The following TCF12 variants were observed in gnomAD, a reference collection of about 807,000 sequenced individuals.
TCF12 encodes the protein transcription factor 12, also known as DNA-binding protein HTF4.
Under a neutral mutation model 86.0 loss-of-function variants are expected in TCF12, and 45 were observed. The observed-to-expected ratio is 0.52, with a 90% CI of 0.41 to 0.67. The LOEUF (loss-of-function observed/expected upper bound fraction) is 0.67. Ranked by LOEUF, TCF12 falls within the 30% of genes least tolerant of loss-of-function variation. The pLI is 0.00. For missense variants in TCF12, 881 were observed against 859.9 expected, an observed-to-expected ratio of 1.02 and a Z score of -0.31; for synonymous variants, 330 against 299.6, an observed-to-expected ratio of 1.10 and a Z score of -1.05.
chr15:57,134,979 C>T (rs919115787), intron 5 of TCF12, among the ~76,000 whole-genome samples: 4 of 151,478 alleles, frequency 2.6e-5, no homozygotes, highest in Non-Finnish European at 5.9e-5. Context: ...AACTGAAATG[C>T]TCTAAACACA....
At chr15:57,198,766 C>G (rs2057392922) in intron 8 of TCF12, among the ~76,000 whole-genome samples, 1 of 150,242 alleles carries the variant, frequency 6.7e-6, no homozygotes, top group Non-Finnish European at 1.5e-5. Flanking sequence ...CAGTACTTAA[C>G]CCATGGGCGC....
chr15:57,134,518 G>A (rs1389135200), intron 5 of TCF12: 1 of 151,934 alleles, frequency 6.6e-6, no homozygotes, highest in Non-Finnish European at 1.5e-5. Context: ...AGGCTTCTGG[G>A]AGCCCTTGAT....
chr15:57,281,005 C>T (rs929299798), intron 19 of TCF12, among the ~76,000 whole-genome samples: 92 of 151,880 alleles, frequency 6.1e-4, no homozygotes, highest in African/African-American at 2.1e-3. Flanking sequence ...TTAAAAAATC[C>T]AACAGGAATA....
intron 16 of TCF12, among the ~76,000 whole-genome samples, chr15:57,256,428 T>G (rs1422013731): frequency 6.6e-6 from 1 of 152,160 alleles, no homozygotes; most frequent in Non-Finnish European, 1.5e-5. Flanking sequence ...TTGTAACTCT[T>G]GCCAACTGGC....
intron 5 of TCF12, among the ~76,000 whole-genome samples, chr15:57,116,408 T>A (rs898520047): frequency 1.1e-4 from 16 of 152,170 alleles, no homozygotes; most frequent in Admixed American, 1.3e-4. Context: ...AGCAGTGGCA[T>A]GGTCTTGGCT....
intron 3 of TCF12, among the ~76,000 whole-genome samples, chr15:56,939,998 G>A (rs1052257721): frequency 8.9e-5 from 12 of 134,362 alleles, no homozygotes; most frequent in Admixed American, 7.6e-4. Flanking sequence ...TTTTGACAGG[G>A]TATATAGCAC....
At chr15:57,012,485 T>C (rs1459340243) in intron 3 of TCF12, among the ~76,000 whole-genome samples, 1 of 152,230 alleles carries the variant, frequency 6.6e-6, no homozygotes, top group Non-Finnish European at 1.5e-5. Flanking sequence ...CGCATTGATC[T>C]ACAAGTGTGG....
intron 8 of TCF12, among the ~76,000 whole-genome samples, chr15:57,205,829 C>G (rs1318903461): frequency 6.6e-6 from 1 of 152,044 alleles, no homozygotes. Context: ...TGTGAGAAGT[C>G]GGTAATGTCT....
intron 3 of TCF12, among the ~76,000 whole-genome samples, chr15:57,034,148 G>T (rs2066364598): frequency 6.6e-6 from 1 of 152,146 alleles, no homozygotes; most frequent in Non-Finnish European, 1.5e-5. Context: ...CCTTAGGTGT[G>T]CTTGGATAAC....
rs1030496013 is a variant in TCF12 at position 57,252,299 on chromosome 15, G to T, written c.1189-122G>T. Reference sequence around the variant, plus strand: ...TTCATATCTTAATAAAATAGATCTCGCAAGTCTTGGCGTTAACTTTACTAA... The same window carrying T: ...TTCATATCTTAATAAAATAGATCTCTCAAGTCTTGGCGTTAACTTTACTAA... On this transcript the variant is annotated intron_variant, in intron 14 of 20. Coordinates refer to ENST00000333725, the MANE Select transcript of TCF12 (RefSeq NM_207037.2). 29 of 661,562 alleles carry T rather than the reference G, an allele frequency of 4.4e-5. 1 individual carries two copies. The South Asian group carries it at 5.4e-4, about 12-fold the overall frequency. The allele number at this position is 661,562 out of a possible 1,614,324, so 41.0% of individuals were successfully genotyped here. A position where few individuals can be genotyped will look rare whatever the true frequency, so the allele number is the denominator to read the frequency against.
intron 6 of TCF12, among the ~76,000 whole-genome samples, chr15:57,189,269 GT>G (rs1249716643): frequency 3.3e-5 from 5 of 152,140 alleles, no homozygotes; most frequent in African/African-American, 1.2e-4. Flanking sequence ...GAAAACTTCT[GT>G]ACATCAAAGG....
At chr15:57,053,356 T>C (rs1481707224) in intron 3 of TCF12, among the ~76,000 whole-genome samples, 1 of 152,206 alleles carries the variant, frequency 6.6e-6, no homozygotes, top group Non-Finnish European at 1.5e-5. Flanking sequence ...GTTTCTTATG[T>C]ATGTTGGACG....
At chr15:57,045,720 A>G (rs894956258) in intron 3 of TCF12, among the ~76,000 whole-genome samples, 3 of 151,914 alleles carry the variant, frequency 2.0e-5, no homozygotes, top group Admixed American at 6.6e-5. Flanking sequence ...TAATTTTTGT[A>G]TTTTTTGTAG....
intron 5 of TCF12, among the ~76,000 whole-genome samples, chr15:57,156,403 A>G (rs1434872864): frequency 1.3e-5 from 2 of 152,232 alleles, no homozygotes; most frequent in African/African-American, 4.8e-5. Flanking sequence ...GCTAGTTCAC[A>G]TCAGAGACAG....
At chr15:57,170,772 ATATATAAT>A (rs2055405256) in intron 6 of TCF12, among the ~76,000 whole-genome samples, 1 of 2,396 alleles carries the variant, frequency 4.2e-4, no homozygotes, top group Non-Finnish European at 2.4e-3. Context: ...TATATATATT[ATATATAAT>A]ATATATATAT....
At chr15:57,163,401 C>G (rs186399626) in intron 5 of TCF12, among the ~76,000 whole-genome samples, 483 of 152,084 alleles carry the variant, frequency 3.2e-3, no homozygotes, top group Non-Finnish European at 5.9e-3. Context: ...CAAAATAATC[C>G]TTGAAATAAT....
chr15:57,260,457 T>C (rs1379646386), intron 16 of TCF12, among the ~76,000 whole-genome samples: 3 of 152,190 alleles, frequency 2.0e-5, no homozygotes, highest in African/African-American at 7.2e-5. Flanking sequence ...AGTATACATA[T>C]GTTTAAAATT....
At chr15:57,179,085 A>G (rs1356416691) in intron 6 of TCF12, among the ~76,000 whole-genome samples, 3 of 152,176 alleles carry the variant, frequency 2.0e-5, no homozygotes, top group Admixed American at 6.5e-5. Context: ...AAAATTTCCT[A>G]TTGCGACTAA....
rs1433028334 is a variant in TCF12 at position 57,123,515 on chromosome 15, T to A, written c.325+31624T>A. ...CTAAGGCAACTCTACCACTTCTCTT[T>A]TTTTTTTTCTTTTTTTAAGACAGGA... is the stretch of plus-strand genomic sequence containing the variant. On this transcript the variant is annotated intron_variant, in intron 5 of 20. Transcript: ENST00000333725. 4.6e-5 allele frequency among the ~76,000 whole-genome samples: 7 copies of A among 151,810 alleles called. No individual in the cohort carries two copies. The East Asian group carries it at 5.8e-4, about 13-fold the overall frequency.
Sources: gnomAD v4.1 joint callset for allele counts (sites outside exome capture counted in the v4.1 genomes callset) on GRCh38, gnomAD v4.1.1 for gene constraint, MANE v1.5 for transcripts, NCBI Gene and HGNC (gene_info 2026-07-23, HGNC 2026-07-21) for gene names.